CNPY1: variants seen among roughly 807,000 people sequenced by gnomAD.
CNPY1 encodes the protein canopy FGF signaling regulator 1, also known as protein canopy homolog 1.
Under a neutral mutation model 14.4 loss-of-function variants are expected in CNPY1, and 14 were observed. The ratio of observed to expected loss-of-function variants is 0.97; its 90% CI spans 0.64 to 1.52. CNPY1 has a LOEUF of 1.52. CNPY1 is among the 40% of genes most tolerant of loss of function. The probability of loss-of-function intolerance (pLI) is 0.00; values close to 1 mark genes in which losing one functional copy is unlikely to be tolerated. For missense variants in CNPY1, 129 were observed against 131.5 expected (o/e 0.98, Z 0.09); for synonymous variants, 43 against 46.5 (o/e 0.92, Z 0.31).
intron 2 of CNPY1, among the ~76,000 whole-genome samples, chr7:155,537,994 T>C (rs1394098299): frequency 6.6e-6 from 1 of 152,222 alleles, no homozygotes; most frequent in Non-Finnish European, 1.5e-5. Flanking sequence ...TCTCAGTGTA[T>C]TTCCTGAGGC....
In CNPY1 at chr7:155,507,126, CATA is replaced by C; in HGVS notation, c.304-13_304-11del. 6.5e-7 allele frequency: 1 copy of C among 1,534,686 alleles called. No homozygotes were observed. Among genetic ancestry groups the C allele is most frequent in the Non-Finnish European group, 9.0e-7 (1 of 1,110,280 alleles). ...CTATTATAGTTTCACACTGTAGAAA[CATA>C]ATAACAACATATGTGGATAGACGCA... On this transcript the variant is annotated splice_polypyrimidine_tract_variant and intron_variant, in intron 3 of 4. Coordinates refer to ENST00000636446, the MANE Select transcript of CNPY1 (RefSeq NM_001393663.1).
chr7:155,528,930 A>G (rs531936480), intron 2 of CNPY1, among the ~76,000 whole-genome samples: 40 of 152,268 alleles, frequency 2.6e-4, no homozygotes, highest in East Asian at 1.2e-3. Context: ...GCATGGTGGC[A>G]GGCGCCTGTG....
At chr7:155,532,430 G>A (rs964150323) in intron 2 of CNPY1, among the ~76,000 whole-genome samples, 2 of 150,604 alleles carry the variant, frequency 1.3e-5, no homozygotes, top group African/African-American at 4.9e-5. Flanking sequence ...AGACCATCTC[G>A]GCTAACATGG....
intron 2 of CNPY1, among the ~76,000 whole-genome samples, chr7:155,522,695 A>G (rs2116719495): frequency 6.6e-6 from 1 of 152,314 alleles, no homozygotes; most frequent in Non-Finnish European, 1.5e-5. Context: ...AGTCCTCGTA[A>G]GAGCCACTAT....
At chr7:155,545,400 T>C (rs1440321615) in intron 2 of CNPY1, among the ~76,000 whole-genome samples, 3 of 152,144 alleles carry the variant, frequency 2.0e-5, no homozygotes, top group African/African-American at 7.2e-5. Flanking sequence ...AACTGTCCGG[T>C]CTATTCCAGA....
At chr7:155,535,481 G>A (rs969455781) in intron 2 of CNPY1, among the ~76,000 whole-genome samples, 1 of 152,194 alleles carries the variant, frequency 6.6e-6, no homozygotes, top group Non-Finnish European at 1.5e-5. Flanking sequence ...CAAGGCATAA[G>A]GATACACTCA....
rs60236629 is a variant in CNPY1, at chr7:155,502,003, T to TGGGGGGGGGGGTGGG, written c.*1064_*1065insCCCACCCCCCCCCCC. The stretch of plus-strand genomic sequence containing the variant: ...GCAAAGAGTTTTGGGTCGGGGGGGT[T>TGGGGGGGGGGGTGGG]GGGGGGGGGATTTGTAGCATCCTAC... On this transcript the variant is annotated 3_prime_UTR_variant, in exon 5 of 5. Transcript: ENST00000636446. The TGGGGGGGGGGGTGGG allele has an allele frequency of 2.4e-5, 3 of 125,312 alleles. No homozygotes were observed. The highest frequency in any genetic ancestry group is 3.3e-5 in the Non-Finnish European group (2 of 60,126). 7.8% of individuals were successfully genotyped at this position (125,312 alleles called of 1,614,324 possible).
At chr7:155,542,528 C>T (rs568804455) in intron 2 of CNPY1, among the ~76,000 whole-genome samples, 1 of 152,330 alleles carries the variant, frequency 6.6e-6, no homozygotes, top group Non-Finnish European at 1.5e-5. Flanking sequence ...AGCCACTGCA[C>T]ACCCCTGGGG....
chr7:155,541,651 G>A (rs1190533487), intron 2 of CNPY1, among the ~76,000 whole-genome samples: 2 of 152,232 alleles, frequency 1.3e-5, no homozygotes, highest in African/African-American at 4.8e-5. Flanking sequence ...AGTCTGCTGA[G>A]TGTGGGGCGA....
chr7:155,544,018 G>T (rs377747363), intron 2 of CNPY1, among the ~76,000 whole-genome samples: 2 of 152,208 alleles, frequency 1.3e-5, no homozygotes, highest in African/African-American at 2.4e-5. Context: ...GCAGGGGAGG[G>T]TGTGGCCCAT....
rs551212175 is a variant in CNPY1 at position 155,526,986 on chromosome 7, C to T, written c.100-17889G>A. On this transcript the variant is annotated intron_variant, in intron 2 of 4. Transcript: ENST00000636446. ...TCCATCTGTAGAATGGTCTTCTTAA[C>T]TGGAAAATGTCCATATCCTAGGCAG... 2.0e-4 allele frequency among the ~76,000 whole-genome samples: 30 copies of T among 151,314 alleles called. No homozygotes were observed. The South Asian group carries it at 5.6e-3, about 28-fold the overall frequency.
intron 2 of CNPY1, among the ~76,000 whole-genome samples, chr7:155,511,912 G>A (rs1196846277): frequency 1.3e-5 from 2 of 152,152 alleles, no homozygotes; most frequent in East Asian, 1.9e-4. Context: ...TTATTCAAAT[G>A]TACATGATTA....
At chr7:155,523,907 A>G (rs1796771997) in intron 2 of CNPY1, among the ~76,000 whole-genome samples, 1 of 152,186 alleles carries the variant, frequency 6.6e-6, no homozygotes, top group African/African-American at 2.4e-5. Flanking sequence ...CGGGGGAGAA[A>G]GGCTGTGGCA....
chr7:155,535,434 G>A (rs1314831817), intron 2 of CNPY1, among the ~76,000 whole-genome samples: 2 of 152,232 alleles, frequency 1.3e-5, no homozygotes, highest in East Asian at 3.9e-4. Flanking sequence ...GAGCTTACAG[G>A]TGCACACACT....
intron 3 of CNPY1, among the ~76,000 whole-genome samples, chr7:155,507,679 T>C (rs562343921): frequency 3.9e-4 from 60 of 152,096 alleles, no homozygotes; most frequent in Non-Finnish European, 7.9e-4. Flanking sequence ...CTTTTCATGC[T>C]GTTTAGAGAT....
chr7:155,528,061 G>C (rs1469116833), intron 2 of CNPY1, among the ~76,000 whole-genome samples: 1 of 152,212 alleles, frequency 6.6e-6, no homozygotes, highest in Non-Finnish European at 1.5e-5. Flanking sequence ...TCGTTGTAGA[G>C]AAGGGACAGC....
At chr7:155,545,747 T>A in intron 2 of CNPY1, 84 bp downstream of exon 2, 1 of 396,366 alleles carries the variant, frequency 2.5e-6, no homozygotes, top group East Asian at 3.6e-5. Flanking sequence ...GTTAGAAGAT[T>A]AAGACCAACT....
rs1314153082 is a variant in CNPY1, at chr7:155,508,975, A to G, written c.222T>C (p.Ala74=). The stretch of plus-strand genomic sequence containing the variant: ...GGTATATTTTGTCTCCTTTCCTAGG[A>G]GCGAATCTCTTGAAAGTTCTCTCCT... ...VTKERTFKRF[A]PRKGDKIYQE... is the part of the protein sequence containing the mutation. Residue 74 remains alanine, a synonymous_variant, in exon 3 of 5, where the codon GCT becomes GCC. Transcript: ENST00000636446. 1.9e-6 allele frequency: 3 copies of G among 1,613,810 alleles called. No individual in the cohort carries two copies. In the African/African-American group the frequency reaches 4.0e-5, roughly 22 times the overall value.
rs60236629 is a variant in CNPY1, at chr7:155,502,003, T to TGGGGGGGGGGG, written c.*1064_*1065insCCCCCCCCCCC. On this transcript the variant is annotated 3_prime_UTR_variant, in exon 5 of 5. Coordinates refer to ENST00000636446, the MANE Select transcript of CNPY1 (RefSeq NM_001393663.1). ...GCAAAGAGTTTTGGGTCGGGGGGGT[T>TGGGGGGGGGGG]GGGGGGGGGATTTGTAGCATCCTAC... is the stretch of plus-strand genomic sequence containing the variant. The TGGGGGGGGGGG allele has an allele frequency of 2.5e-4, 31 of 125,302 alleles. No individual in the cohort carries two copies. Among genetic ancestry groups the TGGGGGGGGGGG allele is most frequent in the East Asian group, 7.0e-4 (3 of 4,308 alleles). The allele number at this position is 125,302 out of a possible 1,614,324, so 7.8% of individuals were successfully genotyped here.
Sources: allele counts gnomAD v4.1 joint callset (sites outside exome capture counted in the v4.1 genomes callset), GRCh38; gene constraint gnomAD v4.1.1; transcripts MANE v1.5; gene names NCBI Gene and HGNC (gene_info 2026-07-23, HGNC 2026-07-21).